NUBPL: variants seen among roughly 807,000 people sequenced by gnomAD.
NUBPL encodes iron-sulfur cluster transfer protein NUBPL.
In NUBPL, 31 loss-of-function variants were observed where a neutral mutation model predicts 45.7. That is an observed-to-expected ratio of 0.68 (90% CI 0.51 to 0.92). The LOEUF (loss-of-function observed/expected upper bound fraction) is 0.92, where lower values mean the gene tolerates loss of function less well. NUBPL is among the 40% of genes least tolerant of loss of function. The probability of loss-of-function intolerance (pLI) is 0.00; values close to 1 mark genes in which losing one functional copy is unlikely to be tolerated. For synonymous variants in NUBPL, 144 were observed against 140.9 expected, an observed-to-expected ratio of 1.02 and a Z score of -0.15; for missense variants, 401 against 398.7, an observed-to-expected ratio of 1.01 and a Z score of -0.05.
intron 3 of NUBPL, among the ~76,000 whole-genome samples, chr14:31,575,291 CTT>C: frequency 6.6e-6 from 1 of 152,310 alleles, no homozygotes; most frequent in Admixed American, 6.5e-5. Flanking sequence ...TGTATCACCA[CTT>C]ACAACACTAT....
chr14:31,577,958 A>G, intron 3 of NUBPL: 1 of 1,288,944 alleles, frequency 7.8e-7, no homozygotes, highest in Non-Finnish European at 1.0e-6. Flanking sequence ...GACTTTCACA[A>G]GGTCGGGGAC....
intron 6 of NUBPL, among the ~76,000 whole-genome samples, chr14:31,763,855 T>C (rs985480951): frequency 6.6e-6 from 1 of 152,206 alleles, no homozygotes; most frequent in Non-Finnish European, 1.5e-5. Context: ...CATTAAAATG[T>C]GACTTACAAT....
At chr14:31,571,432 T>C (rs1440709953) in intron 3 of NUBPL, among the ~76,000 whole-genome samples, 2 of 151,632 alleles carry the variant, frequency 1.3e-5, no homozygotes, top group Admixed American at 1.3e-4. Flanking sequence ...ATTGAAGTGT[T>C]CCCTGAATTC....
In NUBPL at chr14:31,766,981, A is replaced by T. The variant is rs2038923587; in HGVS notation, c.514-20799A>T. On this transcript the variant is annotated intron_variant, in intron 6 of 10. Transcript: ENST00000281081. ...TCTTAAAAAAGGAAGCAGAGGGAAC[A>T]AATACATAATTAAAAAAAAAAGATT... is the stretch of plus-strand genomic sequence containing the variant. Among the ~76,000 whole-genome samples, 3 of 152,026 alleles carry T rather than the reference A, an allele frequency of 2.0e-5. No individual in the cohort carries two copies. The South Asian group carries it at 6.2e-4, about 31-fold the overall frequency.
rs552641369 is a variant in NUBPL, at chr14:31,739,010, A to ATTTG, written c.514-48754_514-48751dup. On this transcript the variant is annotated intron_variant, in intron 6 of 10. Transcript: ENST00000281081. ...ACATATGTAGAGTGTAGAGTTTTTT[A>ATTTG]TTTGTTTGTTTGTTTGTTTTGAGAT... 2.0e-5 allele frequency among the ~76,000 whole-genome samples: 3 copies of ATTTG among 150,362 alleles called. No homozygotes were observed. In the East Asian group the frequency reaches 5.8e-4, roughly 29 times the overall value.
intron 4 of NUBPL, among the ~76,000 whole-genome samples, chr14:31,619,987 ACT>A (rs1372995470): frequency 6.7e-6 from 1 of 150,272 alleles, no homozygotes; most frequent in African/African-American, 2.5e-5. Context: ...GCTTCTTTTA[ACT>A]CTTTTTTCAC....
At chr14:31,595,389 G>T (rs2034256308) in intron 3 of NUBPL, among the ~76,000 whole-genome samples, 1 of 152,210 alleles carries the variant, frequency 6.6e-6, no homozygotes, top group Non-Finnish European at 1.5e-5. Flanking sequence ...ATGACAATCA[G>T]ACTTTACAAT....
chr14:31,723,443 A>G (rs978248527), intron 6 of NUBPL, among the ~76,000 whole-genome samples: 2 of 152,208 alleles, frequency 1.3e-5, no homozygotes, highest in Admixed American at 6.5e-5. Context: ...TTGGTTCCAC[A>G]TGAATTTTAA....
intron 4 of NUBPL, among the ~76,000 whole-genome samples, chr14:31,651,320 T>C (rs935845483): frequency 2.6e-5 from 4 of 152,088 alleles, no homozygotes; most frequent in African/African-American, 7.2e-5. Context: ...CTTCTTGGCC[T>C]CCCAAGGTGC....
chr14:31,663,117 C>G (rs1307736888), intron 4 of NUBPL, among the ~76,000 whole-genome samples: 3 of 152,042 alleles, frequency 2.0e-5, no homozygotes, highest in Non-Finnish European at 2.9e-5. Context: ...TGTTTAAGTT[C>G]CTTGTACATT....
At chr14:31,785,642 ATTTG>A (rs1234750838) in intron 6 of NUBPL, among the ~76,000 whole-genome samples, 1 of 151,970 alleles carries the variant, frequency 6.6e-6, no homozygotes, top group East Asian at 1.9e-4. Flanking sequence ...TTACTTCCTG[ATTTG>A]TTTGTCTGTC....
At chr14:31,579,634 G>A (rs2033810978) in intron 3 of NUBPL, among the ~76,000 whole-genome samples, 1 of 152,182 alleles carries the variant, frequency 6.6e-6, no homozygotes. Context: ...AAAATTAAAA[G>A]CATCTGTGAG....
At chr14:31,760,427 A>T (rs1239867872) in intron 6 of NUBPL, among the ~76,000 whole-genome samples, 1 of 152,052 alleles carries the variant, frequency 6.6e-6, no homozygotes, top group African/African-American at 2.4e-5. Flanking sequence ...TGTTTGGATT[A>T]TAGGCATGAG....
intron 4 of NUBPL, among the ~76,000 whole-genome samples, chr14:31,648,548 A>C (rs950861749): frequency 6.6e-6 from 1 of 151,962 alleles, no homozygotes; most frequent in Non-Finnish European, 1.5e-5. Flanking sequence ...GTGATATTAC[A>C]TGTGTGTATT....
intron 4 of NUBPL, among the ~76,000 whole-genome samples, chr14:31,615,026 C>T (rs1464871268): frequency 6.6e-6 from 1 of 152,082 alleles, no homozygotes; most frequent in African/African-American, 2.4e-5. Context: ...TCTGTATCCC[C>T]ACCCCAATGT....
At chr14:31,701,355 G>A (rs8021851) in intron 6 of NUBPL, among the ~76,000 whole-genome samples, 66,276 of 152,052 alleles carry the variant, frequency 0.44, 17,252 homozygotes, top group East Asian at 0.6. Flanking sequence ...GCACCAGTCA[G>A]CACCCTGTCA....
chr14:31,650,149 G>A (rs1234995147), intron 4 of NUBPL, among the ~76,000 whole-genome samples: 2 of 152,062 alleles, frequency 1.3e-5, no homozygotes, highest in Admixed American at 1.3e-4. Context: ...TAATCATGTT[G>A]TCAAAAATAT....
At chr14:31,837,374 T>C (rs2040298750) in intron 8 of NUBPL, among the ~76,000 whole-genome samples, 1 of 152,046 alleles carries the variant, frequency 6.6e-6, no homozygotes, top group African/African-American at 2.4e-5. Flanking sequence ...CCTGACAAAA[T>C]ATTTTTGTGC....
chr14:31,841,916 G>GTTT (rs2040374624), intron 8 of NUBPL, among the ~76,000 whole-genome samples: 2 of 33,174 alleles, frequency 6.0e-5, no homozygotes, highest in African/African-American at 2.0e-4. Context: ...TCGATTCTGG[G>GTTT]CTTTTTTTTT....
Sources: gnomAD v4.1 joint callset for allele counts (sites outside exome capture counted in the v4.1 genomes callset) on GRCh38, gnomAD v4.1.1 for gene constraint, MANE v1.5 for transcripts, NCBI Gene and HGNC (gene_info 2026-07-23, HGNC 2026-07-21) for gene names.